CACNA1C: variants seen among roughly 807,000 people sequenced by gnomAD.
CACNA1C encodes calcium voltage-gated channel subunit alpha1 C.
CACNA1C carries 30 observed loss-of-function variants against 229.0 expected under a neutral mutation model. The ratio of observed to expected loss-of-function variants is 0.13; its 90% CI spans 0.10 to 0.18. The LOEUF (loss-of-function observed/expected upper bound fraction) is 0.18. Among genes scored for constraint, CACNA1C ranks in the 10% least tolerant of loss-of-function variants. The probability of loss-of-function intolerance (pLI) is 1.00; values close to 1 mark genes in which losing one functional copy is unlikely to be tolerated. For missense variants in CACNA1C, 1,658 were observed against 2,845.0 expected (o/e 0.58, Z 9.49); for synonymous variants, 1,114 against 1,132.5 (o/e 0.98, Z 0.33).
At chr12:2,344,432 C>T (rs1319620069) in intron 3 of CACNA1C, among the ~76,000 whole-genome samples, 4 of 152,118 alleles carry the variant, frequency 2.6e-5, no homozygotes, top group Non-Finnish European at 4.4e-5. Flanking sequence ...GCCTAGTGCC[C>T]TCCTGTGAGT....
intron 9 of CACNA1C, 49 bp downstream of exon 9, chr12:2,513,033 A>C: frequency 6.7e-7 from 1 of 1,498,604 alleles, no homozygotes; most frequent in Non-Finnish European, 9.1e-7. Context: ...GGGGGAGAGG[A>C]GACAGCATCG....
chr12:2,474,231 C>G (rs1036927585), intron 5 of CACNA1C, among the ~76,000 whole-genome samples: 1 of 152,186 alleles, frequency 6.6e-6, no homozygotes, highest in Non-Finnish European at 1.5e-5. Flanking sequence ...ACCAAGCCAC[C>G]TTTTCCTCCT....
Position 1,971,314 on chromosome 12 carries a change from T to C in CACNA1C, c.139+113T>C. ...CTCACTCTAAGAACTCATCTCTCCA[T>C]ATTTAATCAGGATTTACCACACACC... On this transcript the variant is annotated intron_variant, in intron 1 of 46. Coordinates refer to the CACNA1C transcript ENST00000682462. This position sits in a 1 kb window ranked among gnomAD's most constrained non-coding sequence, Gnocchi z 4.2. 1.8e-6 allele frequency: 1 copy of C among 549,746 alleles called. No homozygotes were observed. The highest frequency in any genetic ancestry group is 2.0e-5 in the South Asian group (1 of 51,024). 34.1% of individuals were successfully genotyped at this position (549,746 alleles called of 1,614,324 possible). A position where few individuals can be genotyped will look rare whatever the true frequency, so the allele number is the denominator to read the frequency against.
At position 2,152,093 on chromosome 12, in the gene CACNA1C, A is replaced by G. The variant is rs1437437962; in HGVS notation, c.477+31663A>G. Among the ~76,000 whole-genome samples, 6 of 152,346 alleles carry G rather than the reference A, an allele frequency of 3.9e-5. No homozygotes were observed. The East Asian group carries it at 1.2e-3, about 29-fold the overall frequency. ...GTGGTAATGGTCATTTAGTTTCAGG[A>G]AAACATCGATGGTGCCCTTCCCTAG... On this transcript the variant is annotated intron_variant, in intron 3 of 46. Coordinates refer to ENST00000399655, the MANE Select transcript of CACNA1C (RefSeq NM_000719.7). The surrounding 1 kb of genome is among the most constrained non-coding windows in gnomAD (Gnocchi z 4.2).
At chr12:2,146,627 T>C (rs1376955145) in intron 3 of CACNA1C, among the ~76,000 whole-genome samples, 1 of 151,090 alleles carries the variant, frequency 6.6e-6, no homozygotes, top group Non-Finnish European at 1.5e-5. Context: ...AGCAGAGCCA[T>C]TGGAAAGGCA....
intron 34 of CACNA1C, among the ~76,000 whole-genome samples, chr12:2,663,075 A>C (rs184230758): frequency 3.9e-5 from 6 of 152,378 alleles, no homozygotes; most frequent in Admixed American, 3.3e-4. Flanking sequence ...AAATAGAGAA[A>C]GATTTTTTAA....
At chr12:1,990,963 A>G (rs183505818) in intron 1 of CACNA1C, among the ~76,000 whole-genome samples, 1 of 150,728 alleles carries the variant, frequency 6.6e-6, no homozygotes, top group Non-Finnish European at 1.5e-5. Context: ...TGCAAAGGCA[A>G]TCAGTATCAG....
At chr12:2,622,180 C>T (rs1430605986) in intron 29 of CACNA1C, among the ~76,000 whole-genome samples, 1 of 152,172 alleles carries the variant, frequency 6.6e-6, no homozygotes, top group Non-Finnish European at 1.5e-5. Flanking sequence ...AACGGTCCTC[C>T]AGGCCTTCTA....
At chr12:2,045,732 C>T (rs1216619958) in intron 1 of CACNA1C, among the ~76,000 whole-genome samples, 1 of 152,080 alleles carries the variant, frequency 6.6e-6, no homozygotes, top group Non-Finnish European at 1.5e-5. Flanking sequence ...GGTGAAGAAA[C>T]ATTCCTGTAG....
At chr12:2,220,453 C>T (rs921995556) in intron 3 of CACNA1C, 1 of 152,608 alleles carries the variant, frequency 6.6e-6, no homozygotes, top group African/African-American at 2.4e-5. Context: ...TGAAGAGGTG[C>T]TGACACTAGA....
Position 2,450,371 on chromosome 12 carries a change from G to A in CACNA1C, c.617+1256G>A, listed in dbSNP as rs537266687. ...AGATCGAGACCATCCTGGCTAACAC[G>A]GTGAAACCCCGTCTCTACTAAAAAT... On this transcript the variant is annotated intron_variant, in intron 4 of 46. Transcript: ENST00000399655. Among the ~76,000 whole-genome samples, 358 of 151,428 alleles carry A rather than the reference G, an allele frequency of 2.4e-3. 2 individuals are homozygous for A. Among genetic ancestry groups the A allele is most frequent in the African/African-American group, 6.3e-3 (261 of 41,190 alleles).
intron 3 of CACNA1C, among the ~76,000 whole-genome samples, chr12:2,329,829 C>CT (rs1404609784): frequency 2.0e-5 from 3 of 152,202 alleles, no homozygotes; most frequent in African/African-American, 7.2e-5. Context: ...AGTGAATAAA[C>CT]TCCCCTAGGA....
intron 8 of CACNA1C, among the ~76,000 whole-genome samples, chr12:2,510,845 T>C (rs1479455953): frequency 1.3e-5 from 2 of 152,088 alleles, no homozygotes; most frequent in African/African-American, 4.8e-5. Flanking sequence ...TTGGAGTTGA[T>C]TTGCATAGGG....
chr12:2,011,155 A>G (rs1226649264), intron 1 of CACNA1C: 2 of 138,640 alleles, frequency 1.4e-5, no homozygotes, highest in African/African-American at 6.5e-5. Context: ...GAGTCTCAAA[A>G]AAAAAAAAAA....
At chr12:2,355,294 T>C (rs908858256) in intron 3 of CACNA1C, among the ~76,000 whole-genome samples, 1 of 152,106 alleles carries the variant, frequency 6.6e-6, no homozygotes, top group Non-Finnish European at 1.5e-5. Context: ...CCACATCAGT[T>C]GTTAAATATT....
At chr12:2,280,929 T>C (rs1160561311) in intron 3 of CACNA1C, among the ~76,000 whole-genome samples, 1 of 152,242 alleles carries the variant, frequency 6.6e-6, no homozygotes, top group Non-Finnish European at 1.5e-5. Context: ...CATTGTTTTG[T>C]TATTTTAACA....
At chr12:2,153,531 C>A (rs1597455238) in intron 3 of CACNA1C, among the ~76,000 whole-genome samples, 1 of 152,100 alleles carries the variant, frequency 6.6e-6, no homozygotes, top group South Asian at 2.1e-4. Flanking sequence ...ATGAATTTGA[C>A]CACTCTGGGA....
chr12:2,074,893 G>T (rs1435039462), intron 1 of CACNA1C, among the ~76,000 whole-genome samples: 1 of 152,174 alleles, frequency 6.6e-6, no homozygotes, highest in African/African-American at 2.4e-5. Flanking sequence ...GCCATATTTG[G>T]CATTCTGGAG....
intron 3 of CACNA1C, among the ~76,000 whole-genome samples, chr12:2,376,766 T>C (rs1293368737): frequency 6.6e-6 from 1 of 152,144 alleles, no homozygotes; most frequent in African/African-American, 2.4e-5. Flanking sequence ...CAATCCTACA[T>C]TCTTGACTAG....
Sources: gnomAD v4.1 joint callset for allele counts (sites outside exome capture counted in the v4.1 genomes callset) on GRCh38, gnomAD v4.1.1 for gene constraint, Gnocchi (gnomAD v3.1) non-coding constraint, MANE v1.5 for transcripts, NCBI Gene and HGNC (gene_info 2026-07-23, HGNC 2026-07-21) for gene names.